Variants in RGS6 observed in about 807,000 individuals in gnomAD.
RGS6 encodes the protein regulator of G-protein signaling 6.
RGS6 carries 30 observed loss-of-function variants against 78.5 expected under a neutral mutation model. The ratio of observed to expected loss-of-function variants is 0.38; its 90% CI spans 0.29 to 0.52. The LOEUF is 0.52. Among genes scored for constraint, RGS6 ranks in the 20% least tolerant of loss-of-function variants. RGS6 has a pLI of 0.85. For synonymous variants in RGS6, 206 were observed against 206.0 expected (o/e 1.00, Z 0.00); for missense variants, 495 against 609.7 (o/e 0.81, Z 1.98).
intron 2 of RGS6, among the ~76,000 whole-genome samples, chr14:72,154,664 C>T (rs763427173): frequency 1.6e-4 from 25 of 152,206 alleles, no homozygotes; most frequent in Non-Finnish European, 2.4e-4. Flanking sequence ...AGCCAACTGA[C>T]GTGAAAGCAA....
the RGS6 span, among the ~76,000 whole-genome samples, chr14:71,891,826 G>A: frequency 1.3e-5 from 2 of 152,008 alleles, no homozygotes; most frequent in Admixed American, 6.6e-5. Flanking sequence ...CTTCTTCCCA[G>A]CACCTCCTTG....
intron 2 of RGS6, among the ~76,000 whole-genome samples, chr14:72,311,097 C>G (rs1421519516): frequency 6.6e-6 from 1 of 152,184 alleles, no homozygotes; most frequent in Non-Finnish European, 1.5e-5. Flanking sequence ...GAAGCGAAGA[C>G]CATTTTTTTA....
intron 3 of RGS6, among the ~76,000 whole-genome samples, chr14:72,374,396 A>G (rs57974448): frequency 0.021 from 3,199 of 152,326 alleles, 53 homozygotes; most frequent in African/African-American, 0.048. Flanking sequence ...AGCTTCATCC[A>G]TGTCCCTACA....
At chr14:72,286,382 G>A (rs189794178) in intron 2 of RGS6, among the ~76,000 whole-genome samples, 93 of 152,108 alleles carry the variant, frequency 6.1e-4, no homozygotes, top group African/African-American at 1.1e-3. Context: ...CTGTCTTTAC[G>A]CCAGTAACAT....
chr14:72,609,009 C>T, the RGS6 span, among the ~76,000 whole-genome samples: 1 of 152,222 alleles, frequency 6.6e-6, no homozygotes, highest in African/African-American at 2.4e-5. Flanking sequence ...TCCTAACTAT[C>T]CGTAGGGAAA....
chr14:72,274,721 A>G (rs1027281925), intron 2 of RGS6, among the ~76,000 whole-genome samples: 5 of 152,218 alleles, frequency 3.3e-5, no homozygotes, highest in African/African-American at 1.2e-4. Flanking sequence ...GCAGGGAGCC[A>G]TGAACCAAAC....
At chr14:72,611,081 C>T in the RGS6 span, among the ~76,000 whole-genome samples, 1 of 152,188 alleles carries the variant, frequency 6.6e-6, no homozygotes, top group South Asian at 2.1e-4. Flanking sequence ...AGTCATGTGC[C>T]ATCCAGGGCC....
At chr14:71,896,354 C>T in the RGS6 span, among the ~76,000 whole-genome samples, 2 of 152,244 alleles carry the variant, frequency 1.3e-5, no homozygotes, top group Admixed American at 6.5e-5. Context: ...ATGCCTCCCC[C>T]TTTTAAGACC....
chr14:72,346,031 G>GA (rs2077976651), intron 2 of RGS6, among the ~76,000 whole-genome samples: 1 of 152,172 alleles, frequency 6.6e-6, no homozygotes, highest in African/African-American at 2.4e-5. Flanking sequence ...CACCAAAACA[G>GA]AAGGGGTCTT....
In RGS6 at chr14:72,150,499, T is replaced by TA. The variant is rs1215083912; in HGVS notation, c.84+185630dup. Among the ~76,000 whole-genome samples, 4 of 152,048 alleles carry TA rather than the reference T, an allele frequency of 2.6e-5. No individual in the cohort carries two copies. In the East Asian group the frequency reaches 5.8e-4, roughly 22 times the overall value. On this transcript the variant is annotated intron_variant, in intron 2 of 17. Transcript: ENST00000553525. ...GTATTAGTCCATTCTCACACTGCTATAAAAAATTACCTGAGACTGGGTAAT... is the reference window on the plus strand; with the variant it reads ...GTATTAGTCCATTCTCACACTGCTATAAAAAAATTACCTGAGACTGGGTAAT...
the RGS6 span, among the ~76,000 whole-genome samples, chr14:71,916,405 GAAGATGCC>G: frequency 6.6e-6 from 1 of 151,714 alleles, no homozygotes; most frequent in African/African-American, 2.4e-5. Context: ...GGCTGAGGAA[GAAGATGCC>G]CTCAAGAAAT....
At chr14:72,437,364 G>GA (rs1166686590) in intron 3 of RGS6, among the ~76,000 whole-genome samples, 51 of 131,912 alleles carry the variant, frequency 3.9e-4, no homozygotes, top group East Asian at 4.7e-4. Context: ...AAAAAAAAAG[G>GA]AAAAAAAAAA....
chr14:71,946,721 A>G (rs1189481349), intron 1 of RGS6, among the ~76,000 whole-genome samples: 1 of 152,146 alleles, frequency 6.6e-6, no homozygotes, highest in Non-Finnish European at 1.5e-5. Flanking sequence ...GATGGCAAGA[A>G]TGTACTTGGG....
At chr14:72,003,992 A>G (rs958833858) in intron 2 of RGS6, among the ~76,000 whole-genome samples, 3 of 152,090 alleles carry the variant, frequency 2.0e-5, no homozygotes, top group Admixed American at 2.0e-4. Context: ...ATACTTTGCC[A>G]AACTTTGCTC....
At chr14:71,927,743 C>G (rs552410021), upstream of RGS6, among the ~76,000 whole-genome samples, 1 of 151,746 alleles carries the variant, frequency 6.6e-6, no homozygotes, top group Admixed American at 6.6e-5. Flanking sequence ...CTGCAAACTC[C>G]GCCTCCCTGG....
At chr14:72,066,808 ATT>A (rs60072172) in intron 2 of RGS6, among the ~76,000 whole-genome samples, 4 of 140,750 alleles carry the variant, frequency 2.8e-5, no homozygotes, top group African/African-American at 5.2e-5. Context: ...TTTAGAGGCA[ATT>A]TTTTTTTTTT....
At chr14:72,543,053 A>C (rs1236060400) in intron 17 of RGS6, among the ~76,000 whole-genome samples, 1 of 152,196 alleles carries the variant, frequency 6.6e-6, no homozygotes, top group Admixed American at 6.5e-5. Flanking sequence ...ATACAAAGCA[A>C]ATGTCTGGGG....
At chr14:71,876,443 T>C in the RGS6 span, among the ~76,000 whole-genome samples, 1 of 147,014 alleles carries the variant, frequency 6.8e-6, no homozygotes, top group Non-Finnish European at 1.5e-5. Context: ...TTAAAATCTG[T>C]TTTATCAGAG....
intron 3 of RGS6, among the ~76,000 whole-genome samples, chr14:72,416,103 G>A (rs575629033): frequency 5.4e-4 from 79 of 147,390 alleles, no homozygotes; most frequent in Admixed American, 2.1e-3. Context: ...AGCCAAGATC[G>A]CACTGCACCC....
Sources: allele counts gnomAD v4.1 joint callset (sites outside exome capture counted in the v4.1 genomes callset), GRCh38; gene constraint gnomAD v4.1.1; transcripts MANE v1.5; gene names NCBI Gene and HGNC (gene_info 2026-07-23, HGNC 2026-07-21).